The following IGDCC4 variants were observed in gnomAD, a reference collection of about 807,000 sequenced individuals.
The protein encoded by IGDCC4 is immunoglobulin superfamily DCC subclass member 4.
A neutral mutation model predicts 116.6 loss-of-function variants in IGDCC4; 72 were observed. The ratio of observed to expected loss-of-function variants is 0.62; its 90% confidence interval spans 0.51 to 0.75. The LOEUF (loss-of-function observed/expected upper bound fraction) is 0.75, where lower values mean the gene tolerates loss of function less well. IGDCC4 is among the 30% of genes least tolerant of loss of function. The pLI, the probability that IGDCC4 is intolerant of heterozygous loss-of-function variation, is 0.00. For synonymous variants in IGDCC4, 709 were observed against 719.9 expected (o/e 0.98, Z 0.24); for missense variants, 1,501 against 1,662.4 (o/e 0.90, Z 1.69).
At chr15:65,396,357 A>G in intron 6 of IGDCC4, 194 bp from the exon 7 acceptor site, 1 of 697,182 alleles carries the variant, frequency 1.4e-6, no homozygotes, top group Non-Finnish European at 2.6e-6. Context: ...CATTTACCCC[A>G]GCCCCACAAC....
chr15:65,401,413 C>G (rs1309477413), intron 4 of IGDCC4, among the ~76,000 whole-genome samples: 1 of 152,226 alleles, frequency 6.6e-6, no homozygotes, highest in Non-Finnish European at 1.5e-5. Flanking sequence ...GCCTGTGCGG[C>G]AGTTCCCTAA....
chr15:65,390,008 T>A, intron 13 of IGDCC4, 147 bp downstream of exon 13: 1 of 676,916 alleles, frequency 1.5e-6, no homozygotes, highest in East Asian at 2.7e-5. Flanking sequence ...GTGCAGCCCC[T>A]CTGTGTGGCC....
chr15:65,395,324 G>A (rs2062913042), intron 7 of IGDCC4, 66 bp from the exon 8 acceptor site: 8 of 1,496,590 alleles, frequency 5.3e-6, no homozygotes, highest in African/African-American at 1.4e-5. Flanking sequence ...GCTGGAGTCT[G>A]TATAGGAATC....
rs200877185 is a variant in IGDCC4 at position 65,388,813 on chromosome 15, G to A, written c.2702C>T (p.Thr901Met). ...QPEHQWTLLT[T>M]QGNIFSAEVH... ...CCTGGGGCAGGAGCCCTCACCCTGCGTGGTGAGCAAGGTCCACTGGTGCTC... is the reference window on the plus strand; with the variant it reads ...CCTGGGGCAGGAGCCCTCACCCTGCATGGTGAGCAAGGTCCACTGGTGCTC... Residue 901 changes from threonine to methionine, a missense_variant, in exon 15 of 20, where the codon ACG (threonine) becomes ATG (methionine). Around this residue, in one of 3 missense-constraint regions of IGDCC4, gnomAD observed 235 missense variants for 328.0 expected, o/e 0.72. Transcript: ENST00000352385. 7.9e-5 allele frequency: 127 copies of A among 1,613,970 alleles called. No individual in the cohort carries two copies. The highest frequency in any genetic ancestry group is 6.2e-4 in the Admixed American group (37 of 60,034).
chr15:65,391,957 T>C lies in IGDCC4; in HGVS notation c.2147A>G (p.Lys716Arg), dbSNP rs750593001. The change falls in exon 12 of 20, where the codon AAG becomes AGG. Residue 716 changes from lysine (K) to arginine (R), a missense_variant. Transcript: ENST00000352385. ...QLVPGRLYEV[K>R]LVAFNKHEDG... The stretch of plus-strand genomic sequence containing the variant: ...CTCATGTTTGTTGAAAGCCACGAGC[T>C]TCACCTCGTACAGCCGGCCAGGGAC... 8 of 1,612,922 alleles carry C rather than the reference T, an allele frequency of 5.0e-6. No individual in the cohort carries two copies. Among genetic ancestry groups the C allele is most frequent in the Non-Finnish European group, 6.8e-6 (8 of 1,179,496 alleles).
intron 1 of IGDCC4, 24 bp from the exon 2 acceptor site, chr15:65,411,394 C>A: frequency 6.6e-7 from 1 of 1,519,626 alleles, no homozygotes; most frequent in African/African-American, 1.4e-5. Flanking sequence ...GAGCACGGGG[C>A]CATCAGTGTA....
Position 65,385,816 on chromosome 15 carries a change from G to A in IGDCC4, c.3180+15C>T, listed in dbSNP as rs906337433. 1.3e-6 allele frequency: 2 copies of A among 1,598,766 alleles called. No individual in the cohort carries two copies. The highest frequency in any genetic ancestry group is 2.2e-5 in the South Asian group (2 of 90,740). On this transcript the variant is annotated intron_variant, in intron 18 of 19. Transcript: ENST00000352385. The stretch of plus-strand genomic sequence containing the variant: ...CCTATTTAGAAAAGAGCCGCAATGT[G>A]GGGCTCTGACTTACCTTTCTTTTGG...
Position 65,410,232 on chromosome 15 carries a change from G to A in IGDCC4, c.509C>T (p.Pro170Leu). The change falls in exon 3 of 20, where the codon CCA becomes CTA. Residue 170 changes from proline (P) to leucine (L), a missense_variant. By Grantham distance (98) the Pro-to-Leu change is moderately conservative (BLOSUM62 -3). Coordinates refer to ENST00000352385, the MANE Select transcript of IGDCC4 (RefSeq NM_020962.3). ...ARFECHIEGL[P>L]APIITWEKDQ... ...CTTCTCCCAAGTAATGATGGGAGCT[G>A]GCAGCCCTTCAATGTGGCACTCAAA... 6.2e-7 allele frequency: 1 copy of A among 1,613,910 alleles called. No homozygotes were observed. Among genetic ancestry groups the A allele is most frequent in the Non-Finnish European group, 8.5e-7 (1 of 1,180,036 alleles).
rs775621955 is a variant in IGDCC4, at chr15:65,384,938, C to T, written c.3342+16G>A. The T allele has an allele frequency of 1.9e-6, 3 of 1,604,850 alleles. No homozygotes were observed. In the East Asian group the frequency reaches 6.8e-5, roughly 36 times the overall value. ...CCCTTTCCTCCTTTCCTGCCCCTTC[C>T]TTCCAGGACGCTGACCTTTATGGCG... On this transcript the variant is annotated intron_variant, in intron 19 of 19. Coordinates refer to ENST00000352385, the MANE Select transcript of IGDCC4 (RefSeq NM_020962.3). This position sits in a 1 kb window ranked among gnomAD's most constrained non-coding sequence, Gnocchi z 4.9.
At chr15:65,416,996 T>C (rs1028797008) in intron 1 of IGDCC4, among the ~76,000 whole-genome samples, 2 of 151,676 alleles carry the variant, frequency 1.3e-5, no homozygotes, top group African/African-American at 4.8e-5. Context: ...GGAAGGGGCG[T>C]GTAGCTGGGG....
intron 1 of IGDCC4, among the ~76,000 whole-genome samples, chr15:65,416,309 T>C (rs1567095233): frequency 6.6e-6 from 1 of 151,880 alleles, no homozygotes; most frequent in Non-Finnish European, 1.5e-5. Flanking sequence ...AGCTAATTTT[T>C]TGTATTTTTA....
At chr15:65,410,962 T>C (rs1595792416) in intron 2 of IGDCC4, 58 bp downstream of exon 2, 3 of 1,424,978 alleles carry the variant, frequency 2.1e-6, no homozygotes, top group East Asian at 4.8e-5. Context: ...CAGATCCCAC[T>C]TCGCACACCC....
chr15:65,381,743 C>T lies in IGDCC4; in HGVS notation c.*2266G>A, dbSNP rs531041948. ...TGGTAGGTGACAAAGGGATTAATAC[C>T]CTGTAAAAGGCCAATAGATTCTTTT... On this transcript the variant is annotated 3_prime_UTR_variant, in exon 20 of 20. Coordinates refer to ENST00000352385, the MANE Select transcript of IGDCC4 (RefSeq NM_020962.3). 6.6e-6 allele frequency: 1 copy of T among 152,346 alleles called. No homozygotes were observed. The highest frequency in any genetic ancestry group is 1.9e-4 in the East Asian group (1 of 5,182). The allele number at this position is 152,346 out of a possible 1,614,324, so 9.4% of individuals were successfully genotyped here.
intron 15 of IGDCC4, 102 bp from the exon 16 acceptor site, chr15:65,388,688 A>G: frequency 6.3e-7 from 1 of 1,594,882 alleles, no homozygotes. Context: ...CCACTTAGGC[A>G]GCAGCTTCTG....
chr15:65,422,721 C>A, intron 1 of IGDCC4, 72 bp downstream of exon 1: 1 of 1,191,428 alleles, frequency 8.4e-7, no homozygotes, highest in South Asian at 2.2e-5. Context: ...GCCCCGCAGC[C>A]CGATGCAGAC....
intron 5 of IGDCC4, among the ~76,000 whole-genome samples, chr15:65,398,760 G>C (rs922303365): frequency 6.6e-6 from 1 of 152,034 alleles, no homozygotes; most frequent in South Asian, 2.1e-4. Context: ...GCGTGGTGGC[G>C]GGTGCCTGTA....
chr15:65,413,491 G>A (rs1333661944), intron 1 of IGDCC4, among the ~76,000 whole-genome samples: 1 of 152,204 alleles, frequency 6.6e-6, no homozygotes. Flanking sequence ...GGAAGGGAAT[G>A]CCATCCCAGG....
intron 1 of IGDCC4, among the ~76,000 whole-genome samples, chr15:65,417,446 G>T (rs1358007098): frequency 6.6e-6 from 1 of 152,132 alleles, no homozygotes; most frequent in Non-Finnish European, 1.5e-5. Context: ...GCAAACCATG[G>T]CCAATTCTCT....
At chr15:65,402,700 T>C (rs975494360) in intron 3 of IGDCC4, among the ~76,000 whole-genome samples, 1 of 152,128 alleles carries the variant, frequency 6.6e-6, no homozygotes, top group Non-Finnish European at 1.5e-5. Context: ...AAACCCCGTC[T>C]CTACTAAAAA....
Sources: allele counts gnomAD v4.1 joint callset (sites outside exome capture counted in the v4.1 genomes callset), GRCh38; gene constraint gnomAD v4.1.1; regional missense constraint gnomAD v4.1.1; non-coding constraint Gnocchi (gnomAD v3.1); transcripts MANE v1.5; gene names NCBI Gene and HGNC (gene_info 2026-07-23, HGNC 2026-07-21).